SEMA3A: variants seen among roughly 807,000 people sequenced by gnomAD.
The protein encoded by SEMA3A is semaphorin 3A, also known as semaphorin-3A.
Under a neutral mutation model 97.9 loss-of-function variants are expected in SEMA3A, and 29 were observed. That is an observed-to-expected ratio of 0.30 (90% CI 0.22 to 0.40). The LOEUF is 0.40. Among genes scored for constraint, SEMA3A ranks in the 10% least tolerant of loss-of-function variants. The pLI, the probability that SEMA3A is intolerant of heterozygous loss-of-function variation, is 1.00. For synonymous variants in SEMA3A, 321 were observed against 323.7 expected (o/e 0.99, Z 0.09); for missense variants, 763 against 951.3 (o/e 0.80, Z 2.60).
chr7:83,980,190 GAT>G (rs1377442038), intron 14 of SEMA3A, among the ~76,000 whole-genome samples: 33 of 152,116 alleles, frequency 2.2e-4, no homozygotes, highest in Non-Finnish European at 3.4e-4. Context: ...AGTAGTAAAG[GAT>G]ATGTTTTTGA....
chr7:84,180,066 C>T (rs1797693829), intron 1 of SEMA3A, among the ~76,000 whole-genome samples: 1 of 150,124 alleles, frequency 6.7e-6, no homozygotes, highest in Non-Finnish European at 1.5e-5. Context: ...CCTGCCTCAG[C>T]CTCCCTAGTA....
chr7:84,019,673 C>T (rs1791248769), intron 6 of SEMA3A, among the ~76,000 whole-genome samples: 2 of 152,040 alleles, frequency 1.3e-5, no homozygotes, highest in African/African-American at 2.4e-5. Context: ...TGTATATATC[C>T]TGCGGTTTTG....
intron 12 of SEMA3A, among the ~76,000 whole-genome samples, chr7:83,988,693 T>C (rs764172367): frequency 5.5e-4 from 84 of 151,976 alleles, no homozygotes; most frequent in Non-Finnish European, 8.8e-4. Context: ...CTTAAATGAA[T>C]TATATTAGTT....
intron 4 of SEMA3A, among the ~76,000 whole-genome samples, chr7:84,091,124 G>GAA (rs1476457930): frequency 1.4e-4 from 7 of 51,036 alleles, no homozygotes; most frequent in African/African-American, 2.3e-4. Flanking sequence ...GAAAGAAAAA[G>GAA]AAAGAAAGAA....
intron 10 of SEMA3A, among the ~76,000 whole-genome samples, chr7:84,006,384 TA>T (rs1790667785): frequency 6.6e-6 from 1 of 151,902 alleles, no homozygotes; most frequent in African/African-American, 2.4e-5. Flanking sequence ...ATCCCAGAGT[TA>T]AGGAAAAGTG....
intron 12 of SEMA3A, among the ~76,000 whole-genome samples, chr7:83,986,733 C>A (rs1789647474): frequency 6.6e-6 from 1 of 152,098 alleles, no homozygotes; most frequent in Non-Finnish European, 1.5e-5. Flanking sequence ...GAGCTGGACT[C>A]TGGAGCCCAG....
intron 3 of SEMA3A, among the ~76,000 whole-genome samples, chr7:84,273,513 C>G (rs561620440): frequency 6.6e-6 from 1 of 152,100 alleles, no homozygotes; most frequent in African/African-American, 2.4e-5. Context: ...AGAGCACACA[C>G]GTTTTCCTAC....
At chr7:84,125,742 TC>T (rs985900442) in intron 3 of SEMA3A, among the ~76,000 whole-genome samples, 1 of 152,106 alleles carries the variant, frequency 6.6e-6, no homozygotes, top group Non-Finnish European at 1.5e-5. Context: ...AGGAGAAAGT[TC>T]CCATAAAAGA....
At chr7:84,479,969 G>A (rs1184148436) in intron 1 of SEMA3A, among the ~76,000 whole-genome samples, 1 of 152,136 alleles carries the variant, frequency 6.6e-6, no homozygotes, top group Non-Finnish European at 1.5e-5. Flanking sequence ...TTTCTTAAGC[G>A]AGGCAAACCA....
chr7:83,990,449 T>G (rs1242572683), intron 12 of SEMA3A, among the ~76,000 whole-genome samples: 1 of 123,074 alleles, frequency 8.1e-6, no homozygotes, highest in Non-Finnish European at 1.8e-5. Flanking sequence ...TTTATGGTTT[T>G]AGGTCGAACG....
chr7:84,095,360 T>TG (rs1794741292), intron 4 of SEMA3A, among the ~76,000 whole-genome samples: 1 of 25,312 alleles, frequency 4.0e-5, no homozygotes, highest in African/African-American at 1.2e-4. Flanking sequence ...TTTATATACA[T>TG]ATATATATAT....
rs1444659147 is a variant in SEMA3A, at chr7:84,365,585, T to C, written c.-169+6239A>G. 2.0e-5 allele frequency among the ~76,000 whole-genome samples: 3 copies of C among 151,588 alleles called. No individual in the cohort carries two copies. The South Asian group carries it at 6.2e-4, about 31-fold the overall frequency. On this transcript the variant is annotated intron_variant, in intron 2 of 3. Transcript: ENST00000424555. ...GACTGTATCTCATACTGTATTATTATTATTTTTTCCACTGATCTGCTTGTT... is the reference window on the plus strand; with the variant it reads ...GACTGTATCTCATACTGTATTATTACTATTTTTTCCACTGATCTGCTTGTT...
At chr7:84,155,376 C>T (rs1225177088) in intron 1 of SEMA3A, among the ~76,000 whole-genome samples, 1 of 152,082 alleles carries the variant, frequency 6.6e-6, no homozygotes, top group African/African-American at 2.4e-5. Flanking sequence ...TTTCATCAAA[C>T]TCTATACTTT....
chr7:84,461,999 A>T (rs1805857765), intron 1 of SEMA3A, among the ~76,000 whole-genome samples: 1 of 152,140 alleles, frequency 6.6e-6, no homozygotes, highest in South Asian at 2.1e-4. Flanking sequence ...TCTTTTGAAC[A>T]TCTCTTTTGA....
chr7:84,482,268 T>A (rs1806466580), intron 1 of SEMA3A, among the ~76,000 whole-genome samples: 1 of 152,198 alleles, frequency 6.6e-6, no homozygotes. Flanking sequence ...ATCTCTGAAC[T>A]TTTGGATAAT....
intron 1 of SEMA3A, among the ~76,000 whole-genome samples, chr7:84,488,050 AAAT>A (rs1208848562): frequency 6.6e-6 from 1 of 152,076 alleles, no homozygotes; most frequent in African/African-American, 2.4e-5. Context: ...GGACTGTTAA[AAAT>A]AAAATGAAAT....
chr7:84,491,746 T>C (rs777773237), intron 1 of SEMA3A, among the ~76,000 whole-genome samples: 13 of 152,144 alleles, frequency 8.5e-5, no homozygotes, highest in Admixed American at 2.6e-4. Context: ...AAGTTGTAAA[T>C]GCAAAATAAA....
At chr7:84,057,675 G>GAA (rs759215139) in intron 5 of SEMA3A, among the ~76,000 whole-genome samples, 2 of 151,904 alleles carry the variant, frequency 1.3e-5, no homozygotes, top group Non-Finnish European at 2.9e-5. Context: ...TGAGGTAGGA[G>GAA]AATTGCTTGA....
chr7:84,261,213 C>T (rs753451329), intron 3 of SEMA3A, among the ~76,000 whole-genome samples: 2 of 152,158 alleles, frequency 1.3e-5, no homozygotes, highest in African/African-American at 2.4e-5. Flanking sequence ...AGGAGCTACT[C>T]ACTTTGAGTC....
Sources: allele counts gnomAD v4.1 joint callset (sites outside exome capture counted in the v4.1 genomes callset), GRCh38; gene constraint gnomAD v4.1.1; transcripts MANE v1.5; gene names NCBI Gene and HGNC (gene_info 2026-07-23, HGNC 2026-07-21).